FAT3: variants seen among roughly 807,000 people sequenced by gnomAD.
FAT3 encodes protocadherin Fat 3.
Under a neutral mutation model 310.2 loss-of-function variants are expected in FAT3, and 95 were observed. The observed-to-expected ratio is 0.31, with a 90% CI of 0.26 to 0.36. The LOEUF is 0.36. Ranked by LOEUF, FAT3 falls within the 10% of genes least tolerant of loss-of-function variation. The pLI is 1.00. For synonymous variants in FAT3, 2,314 were observed against 2,192.9 expected, an observed-to-expected ratio of 1.06 and a Z score of -1.54; for missense variants, 5,408 against 5,715.6, an observed-to-expected ratio of 0.95 and a Z score of 1.74.
intron 4 of FAT3, among the ~76,000 whole-genome samples, chr11:92,732,888 C>T (rs1455531139): frequency 1.3e-5 from 2 of 152,208 alleles, no homozygotes; most frequent in African/African-American, 4.8e-5. Context: ...CATCACAGAG[C>T]AGGTGTGCTT....
chr11:92,617,610 T>C (rs567703737), intron 3 of FAT3, among the ~76,000 whole-genome samples: 1 of 152,334 alleles, frequency 6.6e-6, no homozygotes, highest in Admixed American at 6.5e-5. Flanking sequence ...CCCATCTTTA[T>C]GGTTTTATCT....
chr11:92,467,429 A>T (rs1467430469), intron 2 of FAT3, among the ~76,000 whole-genome samples: 1 of 151,796 alleles, frequency 6.6e-6, no homozygotes, highest in Admixed American at 6.6e-5. Context: ...CACACTGGGG[A>T]CTCTACTTAT....
At chr11:92,522,164 C>A (rs1018949471) in intron 2 of FAT3, among the ~76,000 whole-genome samples, 2 of 152,172 alleles carry the variant, frequency 1.3e-5, no homozygotes, top group African/African-American at 4.8e-5. Flanking sequence ...CCAGCTCACA[C>A]CTTTCTACTC....
chr11:92,477,473 T>G (rs1399609530), intron 2 of FAT3, among the ~76,000 whole-genome samples: 1 of 152,256 alleles, frequency 6.6e-6, no homozygotes, highest in Non-Finnish European at 1.5e-5. Flanking sequence ...CTTTTATAAG[T>G]ACTTGTTCTT....
intron 2 of FAT3, among the ~76,000 whole-genome samples, chr11:92,500,973 A>C (rs1338449477): frequency 6.6e-6 from 1 of 152,030 alleles, no homozygotes; most frequent in African/African-American, 2.4e-5. Flanking sequence ...CTGTTAAAGA[A>C]ATTTATCAGG....
In FAT3 at chr11:92,399,495, T is replaced by C. The variant is rs149546115; in HGVS notation, c.3292+44091T>C. On this transcript the variant is annotated intron_variant, in intron 2 of 27. Coordinates refer to ENST00000525166, the MANE Select transcript of FAT3 (RefSeq NM_001367949.2). ...AATTTTCTTTCTGTGCACACTCATATGAAATATTTAATTAAATTATAAAAT... is the reference window on the plus strand; with the variant it reads ...AATTTTCTTTCTGTGCACACTCATACGAAATATTTAATTAAATTATAAAAT... Among the ~76,000 whole-genome samples, 146 of 152,320 alleles carry C rather than the reference T, an allele frequency of 9.6e-4. 2 individuals carry two copies. Among genetic ancestry groups the C allele is most frequent in the Admixed American group, 6.8e-3 (104 of 15,296 alleles).
intron 1 of FAT3, among the ~76,000 whole-genome samples, chr11:92,263,637 GTATA>G (rs748988062): frequency 4.5e-4 from 57 of 128,062 alleles, no homozygotes; most frequent in Admixed American, 2.0e-3. Context: ...GTGTGTGTGT[GTATA>G]TATATATATA....
intron 13 of FAT3, among the ~76,000 whole-genome samples, chr11:92,827,278 A>AT (rs1411370586): frequency 1.3e-5 from 2 of 152,110 alleles, no homozygotes; most frequent in African/African-American, 2.4e-5. Context: ...CTGAATGTGG[A>AT]TTTTTCCTTT....
rs779287163 is a variant in FAT3 at position 92,800,314 on chromosome 11, T to C, written c.7301T>C (p.Leu2434Ser). 2 of 1,613,896 alleles carry C rather than the reference T, an allele frequency of 1.2e-6. No homozygotes were observed. The highest frequency in any genetic ancestry group is 4.5e-5 in the East Asian group (2 of 44,866). ...TTTGACCGGTTGGAATATAGCATTTTATCTGGGAATGACCGGACGAGCTTT... is the reference window on the plus strand; with the variant it reads ...TTTGACCGGTTGGAATATAGCATTTCATCTGGGAATGACCGGACGAGCTTT... ...SDFDRLEYSI[L>S]SGNDRTSFLM... Residue 2434 changes from leucine to serine, a missense_variant, in exon 10 of 28, where the codon TTA (leucine) becomes TCA (serine). By Grantham distance (145) the Leu-to-Ser change is moderately radical. Coordinates refer to ENST00000525166, the MANE Select transcript of FAT3 (RefSeq NM_001367949.2).
chr11:92,771,405 G>A (rs1199202707), intron 6 of FAT3, among the ~76,000 whole-genome samples: 1 of 151,180 alleles, frequency 6.6e-6, no homozygotes, highest in East Asian at 2.0e-4. Context: ...TTTATGAAAT[G>A]GGATGCTTAA....
chr11:92,336,750 T>G (rs1948095807), intron 1 of FAT3, among the ~76,000 whole-genome samples: 1 of 152,066 alleles, frequency 6.6e-6, no homozygotes, highest in Non-Finnish European at 1.5e-5. Context: ...TCTGAAACTA[T>G]CAGATAATTT....
intron 4 of FAT3, among the ~76,000 whole-genome samples, chr11:92,740,110 A>G (rs1945464090): frequency 1.3e-5 from 2 of 152,198 alleles, no homozygotes; most frequent in Admixed American, 1.3e-4. Flanking sequence ...AACTTTGATC[A>G]TGATAATAAC....
At chr11:92,247,844 C>T (rs549177079) in intron 1 of FAT3, among the ~76,000 whole-genome samples, 2 of 151,634 alleles carry the variant, frequency 1.3e-5, no homozygotes, top group African/African-American at 2.4e-5. Flanking sequence ...TGGCATGAGC[C>T]TGTTGTTGCA....
intron 2 of FAT3, among the ~76,000 whole-genome samples, chr11:92,496,776 G>A (rs1056314741): frequency 1.3e-5 from 2 of 152,008 alleles, no homozygotes; most frequent in African/African-American, 4.8e-5. Flanking sequence ...TAGGAAAGGA[G>A]GAAAGGGGTT....
chr11:92,439,352 T>C (rs148970975), intron 2 of FAT3, among the ~76,000 whole-genome samples: 97 of 152,240 alleles, frequency 6.4e-4, no homozygotes, highest in African/African-American at 2.2e-3. Flanking sequence ...TATTCCACAA[T>C]ATGAAAGCCA....
At chr11:92,371,337 A>G (rs898819081) in intron 2 of FAT3, among the ~76,000 whole-genome samples, 42 of 152,360 alleles carry the variant, frequency 2.8e-4, no homozygotes, top group African/African-American at 9.6e-4. Context: ...TGAGATTTGA[A>G]TGAGGTAGGT....
chr11:92,587,742 T>C (rs1194593066), intron 3 of FAT3, among the ~76,000 whole-genome samples: 1 of 151,922 alleles, frequency 6.6e-6, no homozygotes, highest in Non-Finnish European at 1.5e-5. Context: ...CCCTGAATCA[T>C]GTGCTAAAGG....
At chr11:92,389,945 G>A (rs1043902356) in intron 2 of FAT3, among the ~76,000 whole-genome samples, 1 of 152,028 alleles carries the variant, frequency 6.6e-6, no homozygotes, top group African/African-American at 2.4e-5. Flanking sequence ...AAAATCAGGG[G>A]CATTTTAGGC....
At chr11:92,746,355 A>G (rs148999704) in intron 4 of FAT3, among the ~76,000 whole-genome samples, 5 of 152,354 alleles carry the variant, frequency 3.3e-5, no homozygotes, top group African/African-American at 1.2e-4. Flanking sequence ...ACTCTCATTT[A>G]TAAAACCATC....
Sources: gnomAD v4.1 joint callset for allele counts (sites outside exome capture counted in the v4.1 genomes callset) on GRCh38, gnomAD v4.1.1 for gene constraint, MANE v1.5 for transcripts, NCBI Gene and HGNC (gene_info 2026-07-23, HGNC 2026-07-21) for gene names.